The following DLG4 variants were observed in gnomAD, a reference collection of about 807,000 sequenced individuals.
DLG4 encodes the protein disks large homolog 4.
A neutral mutation model predicts 93.8 loss-of-function variants in DLG4; 7 were observed. That is an observed-to-expected ratio of 0.07 (90% CI 0.04 to 0.14). DLG4 has a LOEUF of 0.14. Ranked by LOEUF, DLG4 falls within the 10% of genes least tolerant of loss-of-function variation. The pLI is 1.00. For synonymous variants in DLG4, 341 were observed against 387.6 expected (o/e 0.88, Z 1.41); for missense variants, 545 against 992.9 (o/e 0.55, Z 6.06).
At position 7,196,325 on chromosome 17, in the gene DLG4, C is replaced by T. The variant is rs772212071; in HGVS notation, c.1196G>A (p.Arg399Gln). The T allele has an allele frequency of 6.2e-7, 1 of 1,613,990 alleles. No homozygotes were observed. The highest frequency in any genetic ancestry group is 8.5e-7 in the Non-Finnish European group (1 of 1,179,882). ...IAQYKPEEYS[R>Q]FEAKIHDLRE... Reference sequence around the variant, plus strand: ...AAGGTCGTGGATCTTGGCCTCGAATCGGCTGTACTCTGAGGAAGGACAGGG... The same window carrying T: ...AAGGTCGTGGATCTTGGCCTCGAATTGGCTGTACTCTGAGGAAGGACAGGG... The change falls in exon 11 of 20, where the codon CGA becomes CAA. Residue 399 changes from arginine to glutamine, a missense_variant. Physicochemically the swap from Arg to Gln is conservative, Grantham distance 43 (BLOSUM62 1). This residue lies in a region of DLG4 where 428 missense variants were observed against 741.4 expected (regional missense o/e 0.58). Transcript: ENST00000399506. This position sits in a 1 kb window ranked among gnomAD's most constrained non-coding sequence, Gnocchi z 8.3.
Position 7,195,519 on chromosome 17 carries a change from G to A in DLG4, c.1301+701C>T, listed in dbSNP as rs1053538439. Among the ~76,000 whole-genome samples, 1 of 152,204 alleles carries A rather than the reference G, an allele frequency of 6.6e-6. No individual in the cohort carries two copies. Among genetic ancestry groups the A allele is most frequent in the Non-Finnish European group, 1.5e-5 (1 of 68,040 alleles). On this transcript the variant is annotated intron_variant, in intron 11 of 19. Transcript: ENST00000399506. This position sits in a 1 kb window ranked among gnomAD's most constrained non-coding sequence, Gnocchi z 4.3. ...CAGCAGGATGATGAGCTCAGCGTGG[G>A]ACATGTTGAGTGTGGGACGCCTGTG... is the stretch of plus-strand genomic sequence containing the variant.
intron 1 of DLG4, chr17:7,213,855 C>A (rs773553581): frequency 2.1e-6 from 1 of 471,040 alleles, no homozygotes; most frequent in South Asian, 1.5e-5. Flanking sequence ...CCCAAGATGA[C>A]CCCCAATGTC....
chr17:7,218,454 C>T (rs2071036042), upstream of DLG4: 2 of 1,433,380 alleles, frequency 1.4e-6, no homozygotes, highest in Non-Finnish European at 1.9e-6. Flanking sequence ...CCAGCTTGGA[C>T]CAAATGATCT....
intron 2 of DLG4, among the ~76,000 whole-genome samples, chr17:7,205,616 C>T (rs1290695709): frequency 6.6e-6 from 1 of 151,944 alleles, no homozygotes; most frequent in Non-Finnish European, 1.5e-5. Context: ...ATTAACACCA[C>T]CCTCCAACCC....
Position 7,208,104 on chromosome 17 carries a change from C to A in DLG4, c.96+70G>T, listed in dbSNP as rs754101784. On this transcript the variant is annotated intron_variant, in intron 2 of 19. Coordinates refer to ENST00000399506, the MANE Select transcript of DLG4 (RefSeq NM_001321075.3). The surrounding 1 kb of genome is among the most constrained non-coding windows in gnomAD (Gnocchi z 5.4). ...AAGGGGGAGAGGTGGGCGTGGCCCA[C>A]GACCCCGTGGCCAGCCTCGAGGTGG... 2.3e-6 allele frequency: 3 copies of A among 1,318,136 alleles called. No individual in the cohort carries two copies. Among genetic ancestry groups the A allele is most frequent in the Middle Eastern group, 2.0e-4 (1 of 4,930 alleles). 81.7% of individuals were successfully genotyped at this position (1,318,136 alleles called of 1,614,324 possible).
Position 7,195,555 on chromosome 17 carries a change from G to T in DLG4, c.1301+665C>A, listed in dbSNP as rs537084641. On this transcript the variant is annotated intron_variant, in intron 11 of 19. Transcript: ENST00000399506. The surrounding 1 kb of genome is among the most constrained non-coding windows in gnomAD (Gnocchi z 4.3). ...TGTGGGACGCCTGTGGGACATCCCA[G>T]TGGAGATGGCCAGAAAGCCAATGGC... Among the ~76,000 whole-genome samples the T allele has an allele frequency of 6.6e-6, 1 of 152,326 alleles. No individual in the cohort carries two copies. Among genetic ancestry groups the T allele is most frequent in the African/African-American group, 2.4e-5 (1 of 41,572 alleles).
At position 7,196,340 on chromosome 17, in the gene DLG4, G is replaced by A. The variant is rs1220091185; in HGVS notation, c.1187-6C>T. On this transcript the variant is annotated splice_polypyrimidine_tract_variant and splice_region_variant and intron_variant, in intron 10 of 19. Coordinates refer to ENST00000399506, the MANE Select transcript of DLG4 (RefSeq NM_001321075.3). This position sits in a 1 kb window ranked among gnomAD's most constrained non-coding sequence, Gnocchi z 8.3. The stretch of plus-strand genomic sequence containing the variant: ...GGCCTCGAATCGGCTGTACTCTGAG[G>A]AAGGACAGGGAGGTTTCTGAGCTCT... 1.2e-6 allele frequency: 2 copies of A among 1,613,740 alleles called. No homozygotes were observed. The highest frequency in any genetic ancestry group is 1.7e-6 in the Non-Finnish European group (2 of 1,179,766).
At chr17:7,216,354 C>T (rs1232930977) in intron 1 of DLG4, among the ~76,000 whole-genome samples, 1 of 152,114 alleles carries the variant, frequency 6.6e-6, no homozygotes, top group East Asian at 1.9e-4. Flanking sequence ...TCCTCAAATC[C>T]CCTCTCTCCC....
chr17:7,204,315 G>T, intron 2 of DLG4, 63 bp from the exon 3 acceptor site: 1 of 1,480,184 alleles, frequency 6.8e-7, no homozygotes, highest in Middle Eastern at 1.8e-4. Context: ...AGCCCATAAC[G>T]GAGGGTCCCA....
chr17:7,218,138 C>T, upstream of DLG4: 2 of 1,112,864 alleles, frequency 1.8e-6, no homozygotes, highest in Middle Eastern at 2.0e-4. Flanking sequence ...AGGCTTTTGT[C>T]AGCAGGGCCC....
At chr17:7,202,367 C>T (rs373674776) in intron 8 of DLG4, among the ~76,000 whole-genome samples, 3 of 152,260 alleles carry the variant, frequency 2.0e-5, no homozygotes, top group Admixed American at 6.5e-5. Flanking sequence ...CTTAGCCTCC[C>T]GTAACGTTTT....
At position 7,196,842 on chromosome 17, in the gene DLG4, C is replaced by T; in HGVS notation, c.998G>A (p.Gly333Asp). 6.2e-7 allele frequency: 1 copy of T among 1,613,662 alleles called. No homozygotes were observed. Among genetic ancestry groups the T allele is most frequent in the Non-Finnish European group, 8.5e-7 (1 of 1,179,794 alleles). Residue 333 changes from glycine (G) to aspartate (D), a missense_variant, in exon 9 of 20, where the codon GGT becomes GAT. Coordinates refer to ENST00000399506, the MANE Select transcript of DLG4 (RefSeq NM_001321075.3). This position sits in a 1 kb window ranked among gnomAD's most constrained non-coding sequence, Gnocchi z 8.3. Reference protein sequence around the residue: ...LGFNIVGGEDGEGIFISFILA... With the variant: ...LGFNIVGGEDDEGIFISFILA... ...GATAAAGGAGATGAAGATGCCTTCA[C>T]CGTCCTCGCCACCCACGATGTTGAA... is the stretch of plus-strand genomic sequence containing the variant.
chr17:7,196,154 CG>C lies in DLG4; in HGVS notation c.1301+65del. The C allele has an allele frequency of 7.8e-7, 1 of 1,285,320 alleles. No individual in the cohort carries two copies. The highest frequency in any genetic ancestry group is 1.1e-6 in the Non-Finnish European group (1 of 911,872). The allele number at this position is 1,285,320 out of a possible 1,614,324, so 79.6% of individuals were successfully genotyped here. On this transcript the variant is annotated intron_variant, in intron 11 of 19. Coordinates refer to ENST00000399506, the MANE Select transcript of DLG4 (RefSeq NM_001321075.3). This position sits in a 1 kb window ranked among gnomAD's most constrained non-coding sequence, Gnocchi z 8.3. ...GTGGAGAAGAGGAGCGGCTGAGGCC[CG>C]GGCCAGGCACAGAGTGCCCAGGAAC...
In DLG4 at chr17:7,191,629, A is replaced by G; in HGVS notation, c.1976+264T>C. 3.4e-6 allele frequency: 2 copies of G among 593,462 alleles called. No homozygotes were observed. Among genetic ancestry groups the G allele is most frequent in the Non-Finnish European group, 3.0e-6 (1 of 332,232 alleles). The allele number at this position is 593,462 out of a possible 1,614,324, so 36.8% of individuals were successfully genotyped here. A position where few individuals can be genotyped will look rare whatever the true frequency, so the allele number is the denominator to read the frequency against. ...CCCCAGAGATGGGATTCGGACTCCA[A>G]TTCCCAACAGCCCTAGAGGCCCTGA... On this transcript the variant is annotated intron_variant, in intron 18 of 19. Transcript: ENST00000399506. The surrounding 1 kb of genome is among the most constrained non-coding windows in gnomAD (Gnocchi z 6.6).
chr17:7,217,239 C>G lies in DLG4; in HGVS notation c.-92G>C, dbSNP rs1395577928. ...CCGTGGGTTCTCACCCCTCCCCCCT[C>G]CGCACCCCACTTTTGCAGGGGGGGC... is the stretch of plus-strand genomic sequence containing the variant. On this transcript the variant is annotated 5_prime_UTR_variant, in exon 1 of 20. Transcript: ENST00000399506. 8.0e-7 allele frequency: 1 copy of G among 1,256,478 alleles called. No individual in the cohort carries two copies. Among genetic ancestry groups the G allele is most frequent in the East Asian group, 3.2e-5 (1 of 31,496 alleles). 77.8% of individuals were successfully genotyped at this position (1,256,478 alleles called of 1,614,324 possible).
At position 7,194,581 on chromosome 17, in the gene DLG4, CT is replaced by C; in HGVS notation, c.1302-87del. On this transcript the variant is annotated intron_variant, in intron 11 of 19. Coordinates refer to ENST00000399506, the MANE Select transcript of DLG4 (RefSeq NM_001321075.3). The surrounding 1 kb of genome is among the most constrained non-coding windows in gnomAD (Gnocchi z 4.4). ...TCACCCAAAGACCCGGCCCAGAGGT[CT>C]GCAGATGGCACTCCCATGGGAGCTA... The C allele has an allele frequency of 7.1e-7, 1 of 1,417,914 alleles. No individual in the cohort carries two copies. The highest frequency in any genetic ancestry group is 9.5e-7 in the Non-Finnish European group (1 of 1,051,500). 87.8% of individuals were successfully genotyped at this position (1,417,914 alleles called of 1,614,324 possible).
chr17:7,209,506 C>T (rs368165132), intron 1 of DLG4, among the ~76,000 whole-genome samples: 2 of 152,198 alleles, frequency 1.3e-5, no homozygotes, highest in East Asian at 1.9e-4. Flanking sequence ...AGAGAAGGCA[C>T]GGCAATCCCA....
At position 7,204,085 on chromosome 17, in the gene DLG4, ACAAAAG is replaced by A; in HGVS notation, c.151-24_151-19del. ...TGCAACTCCAGCACGGGACAGAAAC[ACAAAAG>A]CAGTGAGACAGACATTCCTGTCTGA... On this transcript the variant is annotated intron_variant, in intron 3 of 19. Coordinates refer to ENST00000399506, the MANE Select transcript of DLG4 (RefSeq NM_001321075.3). 1 of 1,606,160 alleles carries A rather than the reference ACAAAAG, an allele frequency of 6.2e-7. No individual in the cohort carries two copies.
In DLG4 at chr17:7,193,109, G is replaced by A; in HGVS notation, c.1702C>T (p.Arg568Trp). ...TCTATCTCATACTCCCGCTTGGGCC[G>A]TGTCGTATCTGCCAGGAAGTCACCC... ...KFGSCVPHTTRPKREYEIDGR... is the reference protein window; with the variant it reads ...KFGSCVPHTTWPKREYEIDGR... Residue 568 changes from arginine (R) to tryptophan (W), a missense_variant, in exon 17 of 20, where the codon CGG becomes TGG. Coordinates refer to ENST00000399506, the MANE Select transcript of DLG4 (RefSeq NM_001321075.3). This position sits in a 1 kb window ranked among gnomAD's most constrained non-coding sequence, Gnocchi z 6.7. The A allele has an allele frequency of 1.2e-6, 2 of 1,613,636 alleles. No homozygotes were observed. Among genetic ancestry groups the A allele is most frequent in the Non-Finnish European group, 8.5e-7 (1 of 1,179,698 alleles).
Sources: allele counts gnomAD v4.1 joint callset (sites outside exome capture counted in the v4.1 genomes callset), GRCh38; gene constraint gnomAD v4.1.1; regional missense constraint gnomAD v4.1.1; non-coding constraint Gnocchi (gnomAD v3.1); transcripts MANE v1.5; gene names NCBI Gene and HGNC (gene_info 2026-07-23, HGNC 2026-07-21).